The following ADAMTS2 variants were observed in gnomAD, a reference collection of about 807,000 sequenced individuals.
ADAMTS2 encodes the protein A disintegrin and metalloproteinase with thrombospondin motifs 2.
A neutral mutation model predicts 123.0 loss-of-function variants in ADAMTS2; 50 were observed. The ratio of observed to expected loss-of-function variants is 0.41; its 90% CI spans 0.32 to 0.51. ADAMTS2 has a LOEUF of 0.51. Among genes scored for constraint, ADAMTS2 ranks in the 20% least tolerant of loss-of-function variants. The pLI, the probability that ADAMTS2 is intolerant of heterozygous loss-of-function variation, is 0.35. For synonymous variants in ADAMTS2, 678 were observed against 695.4 expected (o/e 0.98, Z 0.39); for missense variants, 1,494 against 1,705.2 (o/e 0.88, Z 2.18).
intron 4 of ADAMTS2, among the ~76,000 whole-genome samples, chr5:179,187,934 G>T (rs1348643500): frequency 6.6e-6 from 1 of 152,186 alleles, no homozygotes; most frequent in Non-Finnish European, 1.5e-5. Context: ...TGTAAAGTTT[G>T]CCTCACTGGT....
chr5:179,198,352 G>A (rs1352892214), intron 4 of ADAMTS2, among the ~76,000 whole-genome samples: 2 of 152,214 alleles, frequency 1.3e-5, no homozygotes, highest in African/African-American at 4.8e-5. Flanking sequence ...ATCTGCCCAC[G>A]GCTCTCACTC....
intron 2 of ADAMTS2, among the ~76,000 whole-genome samples, chr5:179,281,718 T>C (rs1306536144): frequency 6.6e-6 from 1 of 152,208 alleles, no homozygotes; most frequent in Non-Finnish European, 1.5e-5. Context: ...GGTCATACAG[T>C]AACTGTGCCA....
chr5:179,141,358 T>C (rs1331472432), intron 10 of ADAMTS2, among the ~76,000 whole-genome samples: 3 of 152,186 alleles, frequency 2.0e-5, no homozygotes, highest in African/African-American at 7.2e-5. Context: ...AACCTATAAA[T>C]GAATGGACAT....
intron 3 of ADAMTS2, among the ~76,000 whole-genome samples, chr5:179,221,384 C>T (rs1234651023): frequency 6.6e-6 from 1 of 152,166 alleles, no homozygotes; most frequent in African/African-American, 2.4e-5. Context: ...GCTGAAAGTA[C>T]CAGGGCCCTG....
chr5:179,328,519 A>G (rs1469759695), intron 2 of ADAMTS2, among the ~76,000 whole-genome samples: 1 of 152,366 alleles, frequency 6.6e-6, no homozygotes, highest in East Asian at 1.9e-4. Flanking sequence ...TGGGCTTGCC[A>G]GGTCAACCAT....
intron 2 of ADAMTS2, among the ~76,000 whole-genome samples, chr5:179,329,354 C>CCCAGAAAGG (rs149192814): frequency 0.074 from 10,988 of 148,642 alleles, 579 homozygotes; most frequent in Non-Finnish European, 0.11. Flanking sequence ...CAAAACAAAA[C>CCCAGAAAGG]CCAGAAAGGC....
Position 179,155,778 on chromosome 5 carries a change from G to A in ADAMTS2, c.1133-859C>T, listed in dbSNP as rs1393564932. On this transcript the variant is annotated intron_variant, in intron 6 of 21. Transcript: ENST00000251582. This position sits in a 1 kb window ranked among gnomAD's most constrained non-coding sequence, Gnocchi z 5.1. ...GAGGTCTCTGCTTGTACCCCTGGGA[G>A]TCTTCCTAGAGGCCTGCCAAGCATG... 6.6e-6 allele frequency among the ~76,000 whole-genome samples: 1 copy of A among 152,114 alleles called. No individual in the cohort carries two copies. The highest frequency in any genetic ancestry group is 2.1e-4 in the South Asian group (1 of 4,814).
chr5:179,293,625 T>C (rs933481784), intron 2 of ADAMTS2, among the ~76,000 whole-genome samples: 1 of 151,700 alleles, frequency 6.6e-6, no homozygotes, highest in Non-Finnish European at 1.5e-5. Flanking sequence ...GTTTGTTTGT[T>C]TTTCTCAAGA....
At chr5:179,168,437 C>T (rs914192808) in intron 5 of ADAMTS2, among the ~76,000 whole-genome samples, 15 of 152,142 alleles carry the variant, frequency 9.9e-5, no homozygotes, top group Non-Finnish European at 2.1e-4. Flanking sequence ...AGGCCGCTCG[C>T]CCCCTGGAGC....
intron 3 of ADAMTS2, among the ~76,000 whole-genome samples, chr5:179,252,291 C>T (rs752249685): frequency 2.0e-5 from 3 of 152,066 alleles, no homozygotes; most frequent in Non-Finnish European, 4.4e-5. Flanking sequence ...ATTATAGGCA[C>T]TTTGCTGCAC....
chr5:179,290,563 A>T (rs941419122), intron 2 of ADAMTS2, among the ~76,000 whole-genome samples: 6 of 152,220 alleles, frequency 3.9e-5, no homozygotes, highest in Non-Finnish European at 8.8e-5. Flanking sequence ...CATACGGAGG[A>T]AGCTGGGTGA....
At chr5:179,302,541 C>T (rs1756559508) in intron 2 of ADAMTS2, among the ~76,000 whole-genome samples, 1 of 152,008 alleles carries the variant, frequency 6.6e-6, no homozygotes, top group African/African-American at 2.4e-5. Flanking sequence ...GTCCGGCTTC[C>T]CAACCTCCAC....
Position 179,202,566 on chromosome 5 carries a change from T to C in ADAMTS2, c.891+4947A>G, listed in dbSNP as rs1291854393. Among the ~76,000 whole-genome samples, 3 of 152,186 alleles carry C rather than the reference T, an allele frequency of 2.0e-5. No homozygotes were observed. In the East Asian group the frequency reaches 5.8e-4, roughly 29 times the overall value. On this transcript the variant is annotated intron_variant, in intron 4 of 21. Transcript: ENST00000251582. This position sits in a 1 kb window ranked among gnomAD's most constrained non-coding sequence, Gnocchi z 4.0. The stretch of plus-strand genomic sequence containing the variant: ...AAGGTAGCAGGGTTACGTCCTGTCA[T>C]GCTCACAGCTGCACCCCTTGCCTGA...
chr5:179,126,951 C>T lies in ADAMTS2; in HGVS notation c.2618-821G>A, dbSNP rs57540490. Among the ~76,000 whole-genome samples, 1,352 of 152,258 alleles carry T rather than the reference C, an allele frequency of 8.9e-3. 19 individuals carry two copies. The highest frequency in any genetic ancestry group is 0.031 in the African/African-American group (1,276 of 41,540). On this transcript the variant is annotated intron_variant, in intron 17 of 21. Transcript: ENST00000251582. ...GGCCGGCGTGGCCAGGACCTGGGGGCGAGGCACAGGGTGGAGATATACTGG... is the reference window on the plus strand; with the variant it reads ...GGCCGGCGTGGCCAGGACCTGGGGGTGAGGCACAGGGTGGAGATATACTGG...
rs897249349 is a variant in ADAMTS2, at chr5:179,242,678, C to T, written c.688+30233G>A. 6.6e-6 allele frequency among the ~76,000 whole-genome samples: 1 copy of T among 152,192 alleles called. No individual in the cohort carries two copies. Among genetic ancestry groups the T allele is most frequent in the African/African-American group, 2.4e-5 (1 of 41,440 alleles). ...GCCATCACTTGCTCTCTCTTCCCCG[C>T]TTCTAGTCCTTCCAGTTCAGCTTAT... On this transcript the variant is annotated intron_variant, in intron 3 of 21. Transcript: ENST00000251582. This position sits in a 1 kb window ranked among gnomAD's most constrained non-coding sequence, Gnocchi z 4.2.
chr5:179,130,121 C>T lies in ADAMTS2; in HGVS notation c.2291-23G>A. The T allele has an allele frequency of 3.1e-6, 5 of 1,613,716 alleles. No individual in the cohort carries two copies. Among genetic ancestry groups the T allele is most frequent in the Non-Finnish European group, 4.2e-6 (5 of 1,180,016 alleles). On this transcript the variant is annotated intron_variant, in intron 15 of 21. Coordinates refer to ENST00000251582, the MANE Select transcript of ADAMTS2 (RefSeq NM_014244.5). This position sits in a 1 kb window ranked among gnomAD's most constrained non-coding sequence, Gnocchi z 4.3. ...CGGCTGAGAATGGCAAGACCAAGTC[C>T]CCCGTTGTGGTCACCCAAGAGCAGG...
intron 5 of ADAMTS2, among the ~76,000 whole-genome samples, chr5:179,173,082 C>T (rs192089857): frequency 4.0e-4 from 61 of 151,096 alleles, no homozygotes; most frequent in Non-Finnish European, 6.6e-4. Flanking sequence ...TGTGGTGGTG[C>T]GTGCCTGTAG....
At chr5:179,288,294 C>T (rs771636613) in intron 2 of ADAMTS2, among the ~76,000 whole-genome samples, 1 of 152,218 alleles carries the variant, frequency 6.6e-6, no homozygotes, top group Non-Finnish European at 1.5e-5. Flanking sequence ...GTCCTCTGCC[C>T]GCCTGCCCAG....
chr5:179,273,659 T>C (rs57392122), intron 2 of ADAMTS2, among the ~76,000 whole-genome samples: 12,057 of 152,080 alleles, frequency 0.079, 640 homozygotes, highest in East Asian at 0.23. Flanking sequence ...GGGTCTTGGA[T>C]GGAACACATG....
Sources: gnomAD v4.1 joint callset for allele counts (sites outside exome capture counted in the v4.1 genomes callset) on GRCh38, gnomAD v4.1.1 for gene constraint, Gnocchi (gnomAD v3.1) non-coding constraint, MANE v1.5 for transcripts, NCBI Gene and HGNC (gene_info 2026-07-23, HGNC 2026-07-21) for gene names.